Variants in RLN2 observed in about 807,000 individuals in gnomAD.
The protein encoded by RLN2 is prorelaxin H2.
In RLN2, 10 loss-of-function variants were observed where a neutral mutation model predicts 7.3. The ratio of observed to expected loss-of-function variants is 1.36; its 90% confidence interval spans 0.84 to 2.31. The LOEUF is 2.31. Ranked by LOEUF, RLN2 falls within the 30% of genes most tolerant of loss-of-function variation. The probability of loss-of-function intolerance (pLI) is 0.00; values close to 1 mark genes in which losing one functional copy is unlikely to be tolerated. For missense variants in RLN2, 298 were observed against 217.6 expected, an observed-to-expected ratio of 1.37 and a Z score of -2.32; for synonymous variants, 103 against 82.3, an observed-to-expected ratio of 1.25 and a Z score of -1.36.
At chr9:5,333,972 C>T in the RLN2 span, among the ~76,000 whole-genome samples, 5 of 151,992 alleles carry the variant, frequency 3.3e-5, no homozygotes, top group African/African-American at 1.2e-4. Context: ...TTCAACATCG[C>T]TTCATGTTAA....
chr9:5,309,457 C>T (rs1816308662), upstream of RLN2, among the ~76,000 whole-genome samples: 3 of 152,140 alleles, frequency 2.0e-5, no homozygotes, highest in Admixed American at 1.3e-4. Context: ...TCCTTTCCCT[C>T]TTCCACAACC....
At chr9:5,302,885 T>A (rs1382323082) in intron 1 of RLN2, among the ~76,000 whole-genome samples, 1 of 150,144 alleles carries the variant, frequency 6.7e-6, no homozygotes, top group African/African-American at 2.5e-5. Context: ...ATCCAAATGT[T>A]AACATTTCTT....
At chr9:5,329,430 C>G in the RLN2 span, among the ~76,000 whole-genome samples, 1 of 150,368 alleles carries the variant, frequency 6.7e-6, no homozygotes, top group Non-Finnish European at 1.5e-5. Flanking sequence ...TGTAAATGAG[C>G]TAAATACCCC....
At chr9:5,325,831 T>C in the RLN2 span, among the ~76,000 whole-genome samples, 1 of 152,100 alleles carries the variant, frequency 6.6e-6, no homozygotes, top group Admixed American at 6.6e-5. Flanking sequence ...TATCTATATC[T>C]GAAAGGTGAC....
the RLN2 span, among the ~76,000 whole-genome samples, chr9:5,333,449 T>C: frequency 6.6e-6 from 1 of 151,946 alleles, no homozygotes; most frequent in African/African-American, 2.4e-5. Context: ...CCTGGACACA[T>C]ACACCCTCTC....
At chr9:5,305,174 G>A (rs890063142), upstream of RLN2, among the ~76,000 whole-genome samples, 4 of 151,864 alleles carry the variant, frequency 2.6e-5, no homozygotes, top group Admixed American at 2.6e-4. Context: ...TAATCTGAAT[G>A]CAGGTAAAAA....
At position 5,304,628 on chromosome 9, in the gene RLN2, A is replaced by C. The variant is rs754376856; in HGVS notation, c.-48T>G. On this transcript the variant is annotated 5_prime_UTR_variant, in exon 1 of 2. Transcript: ENST00000381627. The stretch of plus-strand genomic sequence containing the variant: ...GGTCGGGACGTTGCAGCCTTTCAGG[A>C]CTGCAGCTGCTGTGGCCTACACACC... 6.4e-7 allele frequency: 1 copy of C among 1,572,882 alleles called. No homozygotes were observed. Among genetic ancestry groups the C allele is most frequent in the Non-Finnish European group, 8.7e-7 (1 of 1,143,368 alleles).
At chr9:5,330,561 T>G in the RLN2 span, among the ~76,000 whole-genome samples, 1 of 135,938 alleles carries the variant, frequency 7.4e-6, no homozygotes, top group Non-Finnish European at 1.5e-5. Context: ...CGGCATGAAC[T>G]GGGGAGGCAG....
chr9:5,336,032 G>A, the RLN2 span, among the ~76,000 whole-genome samples: 4 of 151,878 alleles, frequency 2.6e-5, no homozygotes, highest in African/African-American at 7.3e-5. Flanking sequence ...TAGTAACAAC[G>A]CTTGAAAAAG....
chr9:5,334,693 T>C, the RLN2 span, among the ~76,000 whole-genome samples: 5 of 152,102 alleles, frequency 3.3e-5, no homozygotes, highest in South Asian at 1.0e-3. Flanking sequence ...GCCTGAAAAG[T>C]ACTTGAGTTC....
the RLN2 span, among the ~76,000 whole-genome samples, chr9:5,333,095 A>G: frequency 6.6e-6 from 1 of 152,022 alleles, no homozygotes. Context: ...TCCTGGAAGC[A>G]AATATTTTAG....
chr9:5,318,770 C>A, the RLN2 span, among the ~76,000 whole-genome samples: 59,796 of 151,600 alleles, frequency 0.39, 12,396 homozygotes, highest in Non-Finnish European at 0.45. Flanking sequence ...AAGCTGGGAA[C>A]AGGATCAGCT....
the RLN2 span, among the ~76,000 whole-genome samples, chr9:5,312,753 C>T: frequency 5.9e-5 from 9 of 151,652 alleles, no homozygotes; most frequent in Non-Finnish European, 1.3e-4. Flanking sequence ...TGCTGCATCC[C>T]GTAAGTTTTG....
the RLN2 span, among the ~76,000 whole-genome samples, chr9:5,315,388 T>C: frequency 5.3e-5 from 8 of 150,400 alleles, no homozygotes; most frequent in East Asian, 3.9e-4. Flanking sequence ...ATAGGTCTTA[T>C]GAAATTACCC....
the RLN2 span, among the ~76,000 whole-genome samples, chr9:5,332,528 G>A: frequency 6.6e-6 from 1 of 151,588 alleles, no homozygotes; most frequent in Non-Finnish European, 1.5e-5. Flanking sequence ...AGGTGGCATT[G>A]GATAATTTTA....
chr9:5,304,749 A>C (rs1393498461), upstream of RLN2: 1 of 665,354 alleles, frequency 1.5e-6, no homozygotes, highest in Non-Finnish European at 2.6e-6. Flanking sequence ...CTTTTAAGGC[A>C]AGGGTGCCAG....
At chr9:5,306,696 G>A (rs1366212341), upstream of RLN2, among the ~76,000 whole-genome samples, 2 of 152,010 alleles carry the variant, frequency 1.3e-5, no homozygotes, top group Non-Finnish European at 2.9e-5. Context: ...TGGAGTTTGG[G>A]TTCCAACCCA....
In RLN2 at chr9:5,304,309, G is replaced by A. The variant is rs1312220647; in HGVS notation, c.211+61C>T. On this transcript the variant is annotated intron_variant, in intron 1 of 1. Coordinates refer to ENST00000381627, the MANE Select transcript of RLN2 (RefSeq NM_134441.3). ...GTGCAGGCCGCCGTTCCAATTGGGC[G>A]GCCGCCCCAGAGTAACCAATGGGAA... 79 of 1,224,876 alleles carry A rather than the reference G, an allele frequency of 6.4e-5. 1 individual carries two copies. Among genetic ancestry groups the A allele is most frequent in the Middle Eastern group, 2.7e-4 (1 of 3,712 alleles). 75.9% of individuals were successfully genotyped at this position (1,224,876 alleles called of 1,614,324 possible).
the RLN2 span, chr9:5,335,453 A>C: frequency 6.2e-7 from 1 of 1,613,762 alleles, no homozygotes; most frequent in Non-Finnish European, 8.5e-7. Flanking sequence ...GGAATCCTTT[A>C]ATGCAGGTAC....
Sources: gnomAD v4.1 joint callset for allele counts (sites outside exome capture counted in the v4.1 genomes callset) on GRCh38, gnomAD v4.1.1 for gene constraint, MANE v1.5 for transcripts, NCBI Gene and HGNC (gene_info 2026-07-23, HGNC 2026-07-21) for gene names.